The following RGS7 variants were observed in gnomAD, a reference collection of about 807,000 sequenced individuals.
The protein encoded by RGS7 is regulator of G-protein signaling 7.
Under a neutral mutation model 81.1 loss-of-function variants are expected in RGS7, and 27 were observed. The ratio of observed to expected loss-of-function variants is 0.33; its 90% CI spans 0.25 to 0.46. RGS7 has a LOEUF of 0.46. RGS7 is among the 20% of genes least tolerant of loss of function. The probability of loss-of-function intolerance (pLI) is 1.00; values close to 1 mark genes in which losing one functional copy is unlikely to be tolerated. For synonymous variants in RGS7, 208 were observed against 207.7 expected (o/e 1.00, Z -0.01); for missense variants, 396 against 607.4 (o/e 0.65, Z 3.66).
At chr1:241,172,923 C>G (rs1174868084) in intron 2 of RGS7, among the ~76,000 whole-genome samples, 2 of 152,178 alleles carry the variant, frequency 1.3e-5, no homozygotes, top group African/African-American at 4.8e-5. Flanking sequence ...GTCAGGTTTT[C>G]TTTCTCTCAA....
At chr1:241,019,584 C>T (rs1448282707) in intron 3 of RGS7, among the ~76,000 whole-genome samples, 5 of 152,106 alleles carry the variant, frequency 3.3e-5, no homozygotes, top group Non-Finnish European at 7.3e-5. Context: ...TCAACTCCCA[C>T]TTATGAGTGA....
chr1:240,910,122 CA>C (rs1671501386), intron 6 of RGS7, among the ~76,000 whole-genome samples: 1 of 152,150 alleles, frequency 6.6e-6, no homozygotes, highest in South Asian at 2.1e-4. Flanking sequence ...ATATTTCGAA[CA>C]TTTTTTTAAG....
intron 2 of RGS7, among the ~76,000 whole-genome samples, chr1:241,317,435 A>G (rs753706384): frequency 6.6e-5 from 10 of 152,206 alleles, no homozygotes; most frequent in Non-Finnish European, 1.5e-4. Context: ...TGTTAGAATT[A>G]TTTGGAGCCA....
intron 6 of RGS7, among the ~76,000 whole-genome samples, chr1:240,887,665 CAT>C (rs1023548746): frequency 1.3e-5 from 2 of 152,216 alleles, no homozygotes; most frequent in African/African-American, 4.8e-5. Flanking sequence ...CGATTAATTA[CAT>C]GTGTCTGTTG....
At chr1:240,929,613 A>G (rs1675064467) in intron 6 of RGS7, among the ~76,000 whole-genome samples, 1 of 151,984 alleles carries the variant, frequency 6.6e-6, no homozygotes, top group Non-Finnish European at 1.5e-5. Context: ...GAATTTTCTT[A>G]TTTTTTCTTC....
At position 240,776,166 on chromosome 1, in the gene RGS7, G is replaced by A. The variant is rs1462154303; in HGVS notation, c.*54C>T. On this transcript the variant is annotated 3_prime_UTR_variant, in exon 19 of 19. Coordinates refer to ENST00000440928, the MANE Select transcript of RGS7 (RefSeq NM_001364886.1). ...TTCATGCTACAAGATGATCCGTTTAGTAAGACTGAGCAAGGCTTGTTAACC... is the reference window on the plus strand; with the variant it reads ...TTCATGCTACAAGATGATCCGTTTAATAAGACTGAGCAAGGCTTGTTAACC... The A allele has an allele frequency of 1.2e-6, 2 of 1,609,522 alleles. No individual in the cohort carries two copies. Among genetic ancestry groups the A allele is most frequent in the African/African-American group, 2.7e-5 (2 of 74,810 alleles).
At chr1:240,939,824 A>G (rs992807323) in intron 4 of RGS7, among the ~76,000 whole-genome samples, 1 of 152,158 alleles carries the variant, frequency 6.6e-6, no homozygotes, top group Non-Finnish European at 1.5e-5. Flanking sequence ...TAATCCCAGC[A>G]CTTCGGGAGG....
intron 2 of RGS7, among the ~76,000 whole-genome samples, chr1:241,162,942 T>C (rs1326987895): frequency 1.3e-5 from 2 of 152,222 alleles, no homozygotes; most frequent in Non-Finnish European, 2.9e-5. Context: ...CCATGTCATA[T>C]TTAGAATATA....
intron 2 of RGS7, among the ~76,000 whole-genome samples, chr1:241,099,792 T>C (rs557384256): frequency 5.3e-4 from 81 of 152,294 alleles, no homozygotes; most frequent in Admixed American, 1.1e-3. Flanking sequence ...CTGGGCACCG[T>C]GGATATGAAA....
chr1:241,165,696 G>C (rs1458144637), intron 2 of RGS7, among the ~76,000 whole-genome samples: 7 of 150,716 alleles, frequency 4.6e-5, no homozygotes, highest in Non-Finnish European at 4.4e-5. Context: ...CGAGTTAGTG[G>C]GTGCAGCACA....
intron 2 of RGS7, among the ~76,000 whole-genome samples, chr1:241,325,018 T>C (rs2081412186): frequency 1.3e-5 from 2 of 152,356 alleles, no homozygotes; most frequent in South Asian, 2.1e-4. Context: ...AATTGTGAAG[T>C]TCATAAACAA....
intron 3 of RGS7, among the ~76,000 whole-genome samples, chr1:241,048,540 C>T (rs979003582): frequency 7.2e-5 from 11 of 152,140 alleles, no homozygotes; most frequent in Admixed American, 1.3e-4. Context: ...TACTATATGG[C>T]GGCTCATTTT....
At position 240,923,180 on chromosome 1, in the gene RGS7, G is replaced by A. The variant is rs1181842844; in HGVS notation, c.385+7537C>T. Reference sequence around the variant, plus strand: ...GTGAAAAGATAAGTGTGTGCCAGGGGTTAGGGTAGGGGTATGGATAAATAG... The same window carrying A: ...GTGAAAAGATAAGTGTGTGCCAGGGATTAGGGTAGGGGTATGGATAAATAG... On this transcript the variant is annotated intron_variant, in intron 6 of 18. Coordinates refer to ENST00000440928, the MANE Select transcript of RGS7 (RefSeq NM_001364886.1). Among the ~76,000 whole-genome samples, 3 of 152,044 alleles carry A rather than the reference G, an allele frequency of 2.0e-5. No homozygotes were observed. In the East Asian group the frequency reaches 5.8e-4, roughly 29 times the overall value.
At chr1:241,040,479 TTTTATTTATTTATTTATTTACTTA>T (rs1353621688) in intron 3 of RGS7, among the ~76,000 whole-genome samples, 2 of 151,114 alleles carry the variant, frequency 1.3e-5, no homozygotes, top group Non-Finnish European at 3.0e-5. Flanking sequence ...TTACTTTTCT[TTTTATTTATTTATTTATTTACTTA>T]TTTATTTATT....
Position 241,116,754 on chromosome 1 carries a change from T to C in RGS7, c.79-17992A>G, listed in dbSNP as rs535815072. Among the ~76,000 whole-genome samples the C allele has an allele frequency of 2.3e-4, 35 of 152,304 alleles. No homozygotes were observed. The South Asian group carries it at 7.0e-3, about 31-fold the overall frequency. On this transcript the variant is annotated intron_variant, in intron 2 of 18. Coordinates refer to ENST00000440928, the MANE Select transcript of RGS7 (RefSeq NM_001364886.1). ...GTGATCAGGGTAATTAGCATATCCA[T>C]CATCTAAAACATTTGTCAGTTTTTT...
chr1:241,306,186 G>A (rs1031645227), intron 2 of RGS7, among the ~76,000 whole-genome samples: 6 of 134,028 alleles, frequency 4.5e-5, no homozygotes, highest in Admixed American at 7.4e-5. Context: ...ACCCTCCCAT[G>A]CACAAATACA....
chr1:241,036,331 T>C (rs1383708369), intron 3 of RGS7, among the ~76,000 whole-genome samples: 7 of 152,216 alleles, frequency 4.6e-5, no homozygotes, highest in Non-Finnish European at 8.8e-5. Flanking sequence ...ATAGAATAGT[T>C]GCATTATCAA....
intron 2 of RGS7, among the ~76,000 whole-genome samples, chr1:241,188,968 T>C (rs192790687): frequency 1.1e-4 from 16 of 152,296 alleles, no homozygotes; most frequent in Admixed American, 1.0e-3. Flanking sequence ...CAACATTTGG[T>C]GTTGTCACTT....
chr1:241,289,928 A>C (rs2079005692), intron 2 of RGS7, among the ~76,000 whole-genome samples: 1 of 152,138 alleles, frequency 6.6e-6, no homozygotes, highest in Non-Finnish European at 1.5e-5. Flanking sequence ...GCGGAAGAGG[A>C]AAGTCTTGGT....
Sources: gnomAD v4.1 joint callset for allele counts (sites outside exome capture counted in the v4.1 genomes callset) on GRCh38, gnomAD v4.1.1 for gene constraint, MANE v1.5 for transcripts, NCBI Gene and HGNC (gene_info 2026-07-23, HGNC 2026-07-21) for gene names.